Variants in GRTP1 observed in about 807,000 individuals in gnomAD.
GRTP1 encodes the protein growth hormone regulated TBC protein 1.
GRTP1 carries 56 observed loss-of-function variants against 38.1 expected under a neutral mutation model. That is an observed-to-expected ratio of 1.47 (90% confidence interval 1.19 to 1.84). GRTP1 has a LOEUF of 1.84. Ranked by LOEUF, GRTP1 falls within the 40% of genes most tolerant of loss-of-function variation. The pLI, the probability that GRTP1 is intolerant of heterozygous loss-of-function variation, is 0.00. For missense variants in GRTP1, 506 were observed against 453.9 expected, an observed-to-expected ratio of 1.11 and a Z score of -1.04; for synonymous variants, 217 against 189.5, an observed-to-expected ratio of 1.14 and a Z score of -1.19.
chr13:113,352,725 C>T (rs1168901366), intron 3 of GRTP1, among the ~76,000 whole-genome samples: 5 of 152,190 alleles, frequency 3.3e-5, no homozygotes, highest in Non-Finnish European at 7.3e-5. Context: ...GGCTCCATCT[C>T]CATTGTGGAG....
intron 2 of GRTP1, among the ~76,000 whole-genome samples, chr13:113,363,532 TG>T (rs2043538898): frequency 6.6e-6 from 1 of 152,098 alleles, no homozygotes; most frequent in East Asian, 1.9e-4. Context: ...CATCCCGATA[TG>T]GCTCCCTGCT....
At chr13:113,334,915 C>T (rs556800928) in intron 5 of GRTP1, among the ~76,000 whole-genome samples, 26 of 152,256 alleles carry the variant, frequency 1.7e-4, no homozygotes, top group African/African-American at 6.0e-4. Context: ...CTCCGCCTCC[C>T]GGGTTCACGC....
rs762262970 is a variant in GRTP1 at position 113,324,588 on chromosome 13, A to G, written c.922-11T>C. 2 of 1,595,546 alleles carry G rather than the reference A, an allele frequency of 1.3e-6. No individual in the cohort carries two copies. Among genetic ancestry groups the G allele is most frequent in the East Asian group, 4.6e-5 (2 of 43,944 alleles). ...TTCTGAAAATATTTTCTGGAAGGCA[A>G]ACAGTTAGTTTAAAAACAAACCCAA... is the stretch of plus-strand genomic sequence containing the variant. On this transcript the variant is annotated splice_polypyrimidine_tract_variant and intron_variant, in intron 7 of 7. Coordinates refer to ENST00000375431, the MANE Select transcript of GRTP1 (RefSeq NM_024719.4).
chr13:113,347,475 A>C (rs1160720576), intron 4 of GRTP1, among the ~76,000 whole-genome samples: 2 of 100,796 alleles, frequency 2.0e-5, no homozygotes, highest in Non-Finnish European at 2.0e-5. Context: ...TGTGGCCGAG[A>C]GCAGACCTGG....
At position 113,348,967 on chromosome 13, in the gene GRTP1, C is replaced by T. The variant is rs1366270775; in HGVS notation, c.465+1882G>A. Among the ~76,000 whole-genome samples, 2 of 152,186 alleles carry T rather than the reference C, an allele frequency of 1.3e-5. No individual in the cohort carries two copies. The highest frequency in any genetic ancestry group is 2.4e-5 in the African/African-American group (1 of 41,442). ...GTGCACATCTCCGCACACACATGTACGTATGTGCCTGTAGGTTCCAAAAGC... is the reference window on the plus strand; with the variant it reads ...GTGCACATCTCCGCACACACATGTATGTATGTGCCTGTAGGTTCCAAAAGC... On this transcript the variant is annotated intron_variant, in intron 4 of 7. Transcript: ENST00000375431. This position sits in a 1 kb window ranked among gnomAD's most constrained non-coding sequence, Gnocchi z 4.8.
chr13:113,347,203 C>T (rs71446694), intron 4 of GRTP1, among the ~76,000 whole-genome samples: 20 of 25,020 alleles, frequency 8.0e-4, no homozygotes, highest in Admixed American at 3.9e-3. Flanking sequence ...CCTCTGTGGC[C>T]GAGAGCAGAC....
rs555564957 is a variant in GRTP1, at chr13:113,329,966, T to C, written c.563-3875A>G. Reference sequence around the variant, plus strand: ...GGGATGTAGCTGATGCAAGTGTGCATGGAAAACCAGGTGTGTGCATGGGAG... The same window carrying C: ...GGGATGTAGCTGATGCAAGTGTGCACGGAAAACCAGGTGTGTGCATGGGAG... On this transcript the variant is annotated intron_variant, in intron 5 of 7. Transcript: ENST00000375431. Among the ~76,000 whole-genome samples the C allele has an allele frequency of 1.9e-4, 29 of 152,284 alleles. 1 individual carries two copies. In the South Asian group the frequency reaches 5.8e-3, roughly 30 times the overall value.
intron 7 of GRTP1, chr13:113,325,320 A>G (rs2042743050): frequency 7.2e-7 from 1 of 1,384,108 alleles, no homozygotes. Context: ...CCTCATCAGG[A>G]CCTGAGTCTA....
chr13:113,356,976 G>C (rs761807540), intron 2 of GRTP1, among the ~76,000 whole-genome samples: 6 of 152,172 alleles, frequency 3.9e-5, no homozygotes, highest in Admixed American at 1.3e-4. Flanking sequence ...ACCCAGAGGA[G>C]AGAGAAAACA....
At chr13:113,347,461 T>C (rs80051636) in intron 4 of GRTP1, among the ~76,000 whole-genome samples, 6,544 of 40,958 alleles carry the variant, frequency 0.16, 6 homozygotes, top group East Asian at 0.37. Flanking sequence ...CCCAGGAGGA[T>C]CTCTGTGGCC....
chr13:113,325,301 C>T (rs1449099629), intron 7 of GRTP1: 2 of 1,335,218 alleles, frequency 1.5e-6, no homozygotes, highest in African/African-American at 2.9e-5. Context: ...GGTACAGCTC[C>T]CACAACGCCC....
At chr13:113,354,004 C>T (rs937070086) in intron 3 of GRTP1, among the ~76,000 whole-genome samples, 2 of 152,088 alleles carry the variant, frequency 1.3e-5, no homozygotes, top group African/African-American at 4.8e-5. Flanking sequence ...TGGTAGGTCA[C>T]GGCTGAAGTG....
chr13:113,340,286 G>C (rs937364312), intron 5 of GRTP1, among the ~76,000 whole-genome samples: 1 of 151,974 alleles, frequency 6.6e-6, no homozygotes, highest in African/African-American at 2.4e-5. Context: ...GGCCAGCCTG[G>C]GCAACATAGC....
At chr13:113,336,730 CGGT>C (rs1456703355) in intron 5 of GRTP1, among the ~76,000 whole-genome samples, 10 of 45,258 alleles carry the variant, frequency 2.2e-4, no homozygotes, top group African/African-American at 5.7e-4. Flanking sequence ...TGCCCTAGAA[CGGT>C]ACCAACCATC....
In GRTP1 at chr13:113,355,438, G is replaced by A. The variant is rs368180133; in HGVS notation, c.225C>T (p.Ala75=). 5 of 1,613,812 alleles carry A rather than the reference G, an allele frequency of 3.1e-6. No homozygotes were observed. The African/African-American group carries it at 6.7e-5, about 22-fold the overall frequency. ...CCCCACTCAGCACCATCCAGACGCG[G>A]GCACGGTGCTCCAGCGGGACCCCTT... is the stretch of plus-strand genomic sequence containing the variant. ...VRKGVPLEHR[A]RVWMVLSGAQ... The change falls in exon 3 of 8, where the codon GCC becomes GCT. Residue 75 remains alanine, a synonymous_variant. Coordinates refer to ENST00000375431, the MANE Select transcript of GRTP1 (RefSeq NM_024719.4).
chr13:113,360,763 C>T (rs1277794668), intron 2 of GRTP1, among the ~76,000 whole-genome samples: 3 of 152,220 alleles, frequency 2.0e-5, no homozygotes, highest in Non-Finnish European at 2.9e-5. Context: ...TATTTGCTCA[C>T]AGACCCATTT....
intron 2 of GRTP1, among the ~76,000 whole-genome samples, chr13:113,363,333 G>GC (rs1369002168): frequency 6.6e-6 from 1 of 152,230 alleles, no homozygotes; most frequent in African/African-American, 2.4e-5. Context: ...TCAGCCTCCA[G>GC]AGTAGCTGGG....
chr13:113,339,425 TC>T (rs1303382524), intron 5 of GRTP1: 1 of 152,228 alleles, frequency 6.6e-6, no homozygotes, highest in African/African-American at 2.4e-5. Context: ...TCTCCCCTAC[TC>T]CCACATGACA....
intron 5 of GRTP1, among the ~76,000 whole-genome samples, chr13:113,326,372 C>G (rs182738806): frequency 5.0e-4 from 1 of 2,020 alleles, no homozygotes; most frequent in African/African-American, 1.4e-3. Flanking sequence ...TGGAGGGTGG[C>G]GCGGTGGGGG....
Sources: allele counts gnomAD v4.1 joint callset (sites outside exome capture counted in the v4.1 genomes callset), GRCh38; gene constraint gnomAD v4.1.1; non-coding constraint Gnocchi (gnomAD v3.1); transcripts MANE v1.5; gene names NCBI Gene and HGNC (gene_info 2026-07-23, HGNC 2026-07-21).